The following NRG3 variants were observed in gnomAD, a reference collection of about 807,000 sequenced individuals.
The protein encoded by NRG3 is pro-neuregulin-3, membrane-bound isoform.
NRG3 carries 31 observed loss-of-function variants against 66.9 expected under a neutral mutation model. That is an observed-to-expected ratio of 0.46 (90% CI 0.35 to 0.63). The LOEUF is 0.63. Among genes scored for constraint, NRG3 ranks in the 20% least tolerant of loss-of-function variants. NRG3 has a pLI of 0.00. For missense variants in NRG3, 910 were observed against 878.9 expected (o/e 1.04, Z -0.45); for synonymous variants, 393 against 359.4 (o/e 1.09, Z -1.06).
At chr10:82,562,077 G>A (rs1480563801) in intron 2 of NRG3, among the ~76,000 whole-genome samples, 1 of 152,130 alleles carries the variant, frequency 6.6e-6, no homozygotes, top group Non-Finnish European at 1.5e-5. Context: ...TAAGCCTGAG[G>A]TTCCATATCA....
At chr10:82,377,856 T>C (rs889977490) in intron 2 of NRG3, among the ~76,000 whole-genome samples, 11 of 152,120 alleles carry the variant, frequency 7.2e-5, no homozygotes, top group African/African-American at 1.2e-4. Context: ...TCAGGTTGGA[T>C]TGGGATTTTT....
At chr10:81,879,028 A>G (rs1307652252) in intron 1 of NRG3, among the ~76,000 whole-genome samples, 1 of 152,212 alleles carries the variant, frequency 6.6e-6, no homozygotes, top group East Asian at 1.9e-4. Context: ...AATTTTCTGT[A>G]GGAATAAAGA....
At chr10:82,362,556 T>TTTTTTTTTTTTTTG (rs2084248279) in intron 2 of NRG3, among the ~76,000 whole-genome samples, 1 of 141,756 alleles carries the variant, frequency 7.1e-6, no homozygotes, top group Non-Finnish European at 1.5e-5. Flanking sequence ...GGGTTTTTTT[T>TTTTTTTTTTTTTTG]TTTTTTTTTT....
At chr10:82,603,717 T>A (rs2047782031) in intron 2 of NRG3, among the ~76,000 whole-genome samples, 1 of 151,732 alleles carries the variant, frequency 6.6e-6, no homozygotes, top group African/African-American at 2.4e-5. Context: ...ATATATTTAC[T>A]TGTTATTCAT....
At chr10:82,863,961 C>T (rs2064281394) in intron 3 of NRG3, among the ~76,000 whole-genome samples, 1 of 152,058 alleles carries the variant, frequency 6.6e-6, no homozygotes, top group African/African-American at 2.4e-5. Context: ...TCAAGAAATG[C>T]CAGGGAAATA....
chr10:82,836,563 C>A (rs1186890022), intron 3 of NRG3, among the ~76,000 whole-genome samples: 1 of 151,960 alleles, frequency 6.6e-6, no homozygotes, highest in Non-Finnish European at 1.5e-5. Context: ...TTAGCGTTGA[C>A]CATTGTTATT....
At chr10:81,945,817 A>G (rs138958862) in intron 1 of NRG3, among the ~76,000 whole-genome samples, 2 of 152,214 alleles carry the variant, frequency 1.3e-5, no homozygotes, top group African/African-American at 4.8e-5. Context: ...GTGTCTTTAT[A>G]TAAAGGAGAA....
chr10:82,945,961 G>T (rs933839560), intron 4 of NRG3, among the ~76,000 whole-genome samples: 2 of 152,168 alleles, frequency 1.3e-5, no homozygotes, highest in Non-Finnish European at 2.9e-5. Flanking sequence ...TAAGCCTTAA[G>T]AACACTCTGG....
chr10:82,215,311 G>C (rs1282824738), intron 1 of NRG3, among the ~76,000 whole-genome samples: 1 of 152,052 alleles, frequency 6.6e-6, no homozygotes, highest in Non-Finnish European at 1.5e-5. Context: ...GTAATATTTT[G>C]ATTTTAAATT....
At chr10:82,048,959 A>G (rs916508633) in intron 1 of NRG3, among the ~76,000 whole-genome samples, 2 of 152,186 alleles carry the variant, frequency 1.3e-5, no homozygotes, top group Non-Finnish European at 2.9e-5. Context: ...CCAACAGAGA[A>G]TACTACAAAC....
chr10:82,369,606 C>T (rs2084758834), intron 2 of NRG3, among the ~76,000 whole-genome samples: 1 of 138,412 alleles, frequency 7.2e-6, no homozygotes, highest in Non-Finnish European at 1.5e-5. Flanking sequence ...GGCTTAGCTC[C>T]CAAAACTTTT....
intron 1 of NRG3, among the ~76,000 whole-genome samples, chr10:82,188,094 G>T (rs1320050014): frequency 6.6e-6 from 1 of 152,024 alleles, no homozygotes; most frequent in Admixed American, 6.6e-5. Context: ...AAACAGCATG[G>T]TACTGGCATA....
intron 1 of NRG3, among the ~76,000 whole-genome samples, chr10:81,895,599 G>A (rs745327518): frequency 6.6e-6 from 1 of 152,176 alleles, no homozygotes; most frequent in Non-Finnish European, 1.5e-5. Flanking sequence ...TTTGATCATA[G>A]TTATACTCTT....
At position 82,753,708 on chromosome 10, in the gene NRG3, G is replaced by A. The variant is rs531339985; in HGVS notation, c.1027+15058G>A. Among the ~76,000 whole-genome samples, 112 of 151,978 alleles carry A rather than the reference G, an allele frequency of 7.4e-4. 1 individual carries two copies. Among genetic ancestry groups the A allele is most frequent in the Admixed American group, 7.3e-3 (112 of 15,240 alleles). On this transcript the variant is annotated intron_variant, in intron 3 of 8. Transcript: ENST00000372141. The stretch of plus-strand genomic sequence containing the variant: ...TCACACCTGCAATCCCAGCACTTTG[G>A]GAGGCTGAGGTGGGCAGATCATGAG...
At chr10:82,783,540 A>G (rs2060209633) in intron 3 of NRG3, among the ~76,000 whole-genome samples, 1 of 152,126 alleles carries the variant, frequency 6.6e-6, no homozygotes, top group African/African-American at 2.4e-5. Context: ...TACAAAAATC[A>G]CAAGCATTCT....
chr10:81,968,340 G>A (rs1444875906), intron 1 of NRG3, among the ~76,000 whole-genome samples: 1 of 152,226 alleles, frequency 6.6e-6, no homozygotes, highest in Non-Finnish European at 1.5e-5. Flanking sequence ...AGGCATGACT[G>A]TGGGCAGGGG....
chr10:82,859,934 A>G (rs1224252108), intron 3 of NRG3, among the ~76,000 whole-genome samples: 1 of 152,166 alleles, frequency 6.6e-6, no homozygotes, highest in African/African-American at 2.4e-5. Flanking sequence ...TTAAAAAAAA[A>G]CATTCATTTT....
chr10:82,833,358 G>GTC (rs1337021453), intron 3 of NRG3, among the ~76,000 whole-genome samples: 1 of 152,098 alleles, frequency 6.6e-6, no homozygotes, highest in Non-Finnish European at 1.5e-5. Flanking sequence ...AAGATAGGGA[G>GTC]TCTCAATCCT....
intron 3 of NRG3, among the ~76,000 whole-genome samples, chr10:82,768,457 G>A (rs67651022): frequency 0.084 from 12,792 of 151,798 alleles, 696 homozygotes; most frequent in African/African-American, 0.14. Flanking sequence ...CATTTATTTG[G>A]TTCCCATGAA....
Sources: allele counts gnomAD v4.1 joint callset (sites outside exome capture counted in the v4.1 genomes callset), GRCh38; gene constraint gnomAD v4.1.1; transcripts MANE v1.5; gene names NCBI Gene and HGNC (gene_info 2026-07-23, HGNC 2026-07-21).